Variants in TP63 observed in about 807,000 individuals in gnomAD.
The protein encoded by TP63 is tumor protein 63.
In TP63, 17 loss-of-function variants were observed where a neutral mutation model predicts 82.8. The observed-to-expected ratio is 0.21, with a 90% confidence interval of 0.14 to 0.31. TP63 has a LOEUF of 0.31. Ranked by LOEUF, TP63 falls within the 10% of genes least tolerant of loss-of-function variation. The pLI is 1.00. For missense variants in TP63, 648 were observed against 895.3 expected (o/e 0.72, Z 3.52); for synonymous variants, 330 against 321.7 (o/e 1.03, Z -0.28).
the TP63 span, among the ~76,000 whole-genome samples, chr3:189,617,546 A>G: frequency 6.6e-6 from 1 of 152,116 alleles, no homozygotes; most frequent in Non-Finnish European, 1.5e-5. Context: ...ACACTCCAGG[A>G]TTTTTCTGAG....
At chr3:189,744,743 C>G (rs1424408967) in intron 3 of TP63, among the ~76,000 whole-genome samples, 1 of 152,214 alleles carries the variant, frequency 6.6e-6, no homozygotes, top group Non-Finnish European at 1.5e-5. Context: ...GCTCAAGAAC[C>G]TGCCTACCCA....
In TP63 at chr3:189,817,577, G is replaced by A. The variant is rs556574650; in HGVS notation, c.579+9051G>A. Among the ~76,000 whole-genome samples, 21 of 152,170 alleles carry A rather than the reference G, an allele frequency of 1.4e-4. No homozygotes were observed. In the South Asian group the frequency reaches 4.4e-3, roughly 32 times the overall value. On this transcript the variant is annotated intron_variant, in intron 4 of 13. Transcript: ENST00000264731. ...ACATAATATGTTATTATCTCATCCT[G>A]GATTTTTGTTTTTAGATTTACTTGC... is the stretch of plus-strand genomic sequence containing the variant.
chr3:189,885,999 T>C (rs1160095904), intron 10 of TP63, among the ~76,000 whole-genome samples: 2 of 152,230 alleles, frequency 1.3e-5, no homozygotes, highest in Non-Finnish European at 2.9e-5. Context: ...GGGATATCCA[T>C]GTTTTTCGTC....
At chr3:189,842,409 C>T (rs1036966938) in intron 4 of TP63, among the ~76,000 whole-genome samples, 2 of 152,140 alleles carry the variant, frequency 1.3e-5, no homozygotes, top group Non-Finnish European at 2.9e-5. Context: ...TTGCTAACTT[C>T]TGGTGTGATA....
chr3:189,778,683 A>G (rs564345375), intron 3 of TP63, among the ~76,000 whole-genome samples: 27 of 152,356 alleles, frequency 1.8e-4, no homozygotes, highest in Non-Finnish European at 7.3e-5. Context: ...GAAGCTGAAT[A>G]TATCTTTTAA....
intron 1 of TP63, among the ~76,000 whole-genome samples, chr3:189,689,336 A>T (rs867547731): frequency 7.9e-5 from 12 of 151,822 alleles, no homozygotes; most frequent in Middle Eastern, 6.8e-3. Flanking sequence ...GGCTAGTCTC[A>T]AACTCCTGAC....
chr3:189,648,644 G>C (rs1446507005), intron 1 of TP63, among the ~76,000 whole-genome samples: 1 of 147,288 alleles, frequency 6.8e-6, no homozygotes, highest in Admixed American at 6.7e-5. Flanking sequence ...ACAGGATTGA[G>C]TAATTAACTC....
At chr3:189,767,685 T>C (rs1262287614) in intron 3 of TP63, among the ~76,000 whole-genome samples, 1 of 152,166 alleles carries the variant, frequency 6.6e-6, no homozygotes, top group Non-Finnish European at 1.5e-5. Flanking sequence ...GTCTCAAGTT[T>C]TACCATATAG....
chr3:189,765,867 G>A (rs1722925572), intron 3 of TP63, among the ~76,000 whole-genome samples: 1 of 152,124 alleles, frequency 6.6e-6, no homozygotes, highest in African/African-American at 2.4e-5. Flanking sequence ...CCCCCTCTGG[G>A]CTTAGTTTCC....
intron 3 of TP63, among the ~76,000 whole-genome samples, chr3:189,750,006 C>T (rs917933407): frequency 2.0e-5 from 3 of 151,780 alleles, no homozygotes; most frequent in African/African-American, 7.3e-5. Flanking sequence ...CGCCTATAGT[C>T]CCAGCTACTC....
chr3:189,624,061 C>T, the TP63 span, among the ~76,000 whole-genome samples: 4 of 152,084 alleles, frequency 2.6e-5, no homozygotes, highest in Non-Finnish European at 5.9e-5. Context: ...TGATTTTTGT[C>T]TTATTTTACT....
chr3:189,878,931 A>G (rs907324479), intron 10 of TP63, among the ~76,000 whole-genome samples: 2 of 147,084 alleles, frequency 1.4e-5, no homozygotes, highest in Non-Finnish European at 3.0e-5. Flanking sequence ...CCCAGCCTAC[A>G]GTTTACTTTT....
chr3:189,705,574 C>G (rs942498745), intron 1 of TP63, among the ~76,000 whole-genome samples: 4 of 152,066 alleles, frequency 2.6e-5, no homozygotes, highest in African/African-American at 9.7e-5. Context: ...AGCCTTCTCA[C>G]CTAGACGGTG....
chr3:189,777,005 T>A (rs529615048), intron 3 of TP63, among the ~76,000 whole-genome samples: 2 of 152,300 alleles, frequency 1.3e-5, no homozygotes, highest in South Asian at 4.1e-4. Context: ...ATACCTTTTC[T>A]TCAGGGAAGT....
Position 189,894,360 on chromosome 3 carries a change from G to A in TP63, c.1901G>A (p.Arg634Gln), listed in dbSNP as rs921649285. Reference protein sequence around the residue: ...STVSVGSSETRGERVIDAVRF... With the variant: ...STVSVGSSETQGERVIDAVRF... ...GTCAGTGTGGGCTCCAGTGAGACCC[G>A]GGGTGAGCGTGTTATTGATGCTGTG... Residue 634 changes from arginine to glutamine, a missense_variant, in exon 14 of 14, where the codon CGG (arginine) becomes CAG (glutamine). By Grantham distance (43) the Arg-to-Gln change is conservative. This residue lies in a region of TP63 where 342 missense variants were observed against 425.7 expected (regional missense o/e 0.80). Coordinates refer to ENST00000264731, the MANE Select transcript of TP63 (RefSeq NM_003722.5). 21 of 1,613,754 alleles carry A rather than the reference G, an allele frequency of 1.3e-5. No individual in the cohort carries two copies. Among genetic ancestry groups the A allele is most frequent in the Non-Finnish European group, 1.4e-5 (17 of 1,179,992 alleles).
At chr3:189,760,317 A>G (rs893222489) in intron 3 of TP63, among the ~76,000 whole-genome samples, 1 of 152,198 alleles carries the variant, frequency 6.6e-6, no homozygotes. Context: ...AGCCTGTAAA[A>G]TCAAAAGCAA....
chr3:189,710,033 T>G (rs1718482649), intron 1 of TP63, among the ~76,000 whole-genome samples: 1 of 152,206 alleles, frequency 6.6e-6, no homozygotes, highest in South Asian at 2.1e-4. Flanking sequence ...TAGGGGGTTG[T>G]GTAATGTCAA....
intron 4 of TP63, among the ~76,000 whole-genome samples, chr3:189,814,068 G>T (rs1329637894): frequency 6.6e-6 from 1 of 152,178 alleles, no homozygotes; most frequent in Non-Finnish European, 1.5e-5. Flanking sequence ...CCAGCATATG[G>T]GTCTTGGTCT....
At chr3:189,809,742 G>A (rs1406987141) in intron 4 of TP63, among the ~76,000 whole-genome samples, 1 of 152,108 alleles carries the variant, frequency 6.6e-6, no homozygotes, top group African/African-American at 2.4e-5. Context: ...AAAATGATCG[G>A]CATGCCTAAG....
Sources: gnomAD v4.1 joint callset for allele counts (sites outside exome capture counted in the v4.1 genomes callset) on GRCh38, gnomAD v4.1.1 for gene constraint, gnomAD v4.1.1 regional missense constraint, MANE v1.5 for transcripts, NCBI Gene and HGNC (gene_info 2026-07-23, HGNC 2026-07-21) for gene names.